Variants in FRMD4A observed in about 807,000 individuals in gnomAD.
FRMD4A encodes the protein FERM domain containing 4A.
FRMD4A carries 29 observed loss-of-function variants against 129.1 expected under a neutral mutation model. The ratio of observed to expected loss-of-function variants is 0.22; its 90% CI spans 0.17 to 0.31. The LOEUF is 0.31. FRMD4A is among the 10% of genes least tolerant of loss of function. FRMD4A has a pLI of 1.00. For synonymous variants in FRMD4A, 634 were observed against 571.6 expected (o/e 1.11, Z -1.56); for missense variants, 1,272 against 1,375.8 (o/e 0.92, Z 1.19).
intron 2 of FRMD4A, among the ~76,000 whole-genome samples, chr10:13,949,829 C>T (rs2095359665): frequency 6.6e-6 from 1 of 152,200 alleles, no homozygotes; most frequent in Admixed American, 6.5e-5. Flanking sequence ...TCTGACAAGG[C>T]TCAAGCTGCA....
intron 6 of FRMD4A, among the ~76,000 whole-genome samples, chr10:13,775,527 C>G (rs2092575399): frequency 6.6e-6 from 1 of 152,166 alleles, no homozygotes; most frequent in South Asian, 2.1e-4. Flanking sequence ...ATTTTACTTC[C>G]CATATGCGCT....
intron 17 of FRMD4A, among the ~76,000 whole-genome samples, chr10:13,669,043 C>G (rs2083289766): frequency 6.8e-6 from 1 of 147,428 alleles, no homozygotes; most frequent in African/African-American, 2.5e-5. Flanking sequence ...CAGGAACTGC[C>G]TAACTGAGCT....
intron 2 of FRMD4A, among the ~76,000 whole-genome samples, chr10:14,033,120 A>G (rs554759123): frequency 1.2e-4 from 19 of 152,296 alleles, no homozygotes; most frequent in African/African-American, 4.3e-4. Flanking sequence ...CAGCCTGGCC[A>G]ACATGGTGAA....
intron 2 of FRMD4A, among the ~76,000 whole-genome samples, chr10:14,185,582 G>T (rs140891812): frequency 1.2e-4 from 18 of 151,720 alleles, no homozygotes; most frequent in African/African-American, 4.4e-4. Context: ...ATCTCGTCTT[G>T]TAAGAAAGAG....
intron 2 of FRMD4A, among the ~76,000 whole-genome samples, chr10:14,240,002 G>A (rs1423265388): frequency 1.3e-5 from 2 of 152,168 alleles, no homozygotes; most frequent in Admixed American, 1.3e-4. Context: ...GATACTTGGT[G>A]AACTGTAAAT....
Position 13,657,007 on chromosome 10 carries a change from T to C in FRMD4A, c.2582A>G (p.Tyr861Cys). Residue 861 changes from tyrosine to cysteine, a missense_variant, in exon 22 of 25, where the codon TAC becomes TGC. Physicochemically the swap from Tyr to Cys is radical, Grantham distance 194 (BLOSUM62 -2). Around this residue, in one of 2 missense-constraint regions of FRMD4A, gnomAD observed 972 missense variants for 892.3 expected, o/e 1.09. Coordinates refer to ENST00000357447, the MANE Select transcript of FRMD4A (RefSeq NM_018027.5). The stretch of plus-strand genomic sequence containing the variant: ...CGTCTTGAACTGAGCCTTGACGCTG[T>C]AGTGGCCCTCCTGGTCGCTCTCCAG... Reference protein sequence around the residue: ...RSLESDQEGHYSVKAQFKTSN... With the variant: ...RSLESDQEGHCSVKAQFKTSN... 6.4e-7 allele frequency: 1 copy of C among 1,568,776 alleles called. No individual in the cohort carries two copies. Among genetic ancestry groups the C allele is most frequent in the Non-Finnish European group, 8.6e-7 (1 of 1,164,448 alleles).
At chr10:13,818,771 G>A (rs1250093167) in intron 3 of FRMD4A, among the ~76,000 whole-genome samples, 1 of 152,146 alleles carries the variant, frequency 6.6e-6, no homozygotes, top group African/African-American at 2.4e-5. Context: ...CTTAGAATAT[G>A]CCTGGCATGG....
At chr10:14,135,383 C>T (rs1234321918) in intron 2 of FRMD4A, among the ~76,000 whole-genome samples, 4 of 152,200 alleles carry the variant, frequency 2.6e-5, no homozygotes, top group East Asian at 1.9e-4. Context: ...AAGGCAAACA[C>T]CATCCTGTAA....
intron 2 of FRMD4A, among the ~76,000 whole-genome samples, chr10:14,174,766 C>T (rs1355736767): frequency 1.3e-5 from 2 of 151,886 alleles, no homozygotes; most frequent in Non-Finnish European, 2.9e-5. Context: ...TGCAGTTTGG[C>T]CAGATGTTTA....
chr10:13,925,658 A>G (rs896544381), intron 2 of FRMD4A, among the ~76,000 whole-genome samples: 21 of 132,594 alleles, frequency 1.6e-4, no homozygotes, highest in Admixed American at 4.5e-4. Context: ...ATCTCGGCTC[A>G]CTGCAACTTC....
chr10:13,994,253 C>T, intron 2 of FRMD4A, among the ~76,000 whole-genome samples: 1 of 144,978 alleles, frequency 6.9e-6, no homozygotes, highest in Non-Finnish European at 1.5e-5. Flanking sequence ...GATATTGGCT[C>T]ACTGCAATCT....
At chr10:13,897,321 A>G (rs1019095589) in intron 2 of FRMD4A, among the ~76,000 whole-genome samples, 3 of 152,228 alleles carry the variant, frequency 2.0e-5, no homozygotes, top group Non-Finnish European at 2.9e-5. Context: ...TCAGTGGGTC[A>G]GCAGGATTTG....
intron 2 of FRMD4A, among the ~76,000 whole-genome samples, chr10:14,118,646 G>C (rs1838326253): frequency 6.6e-6 from 1 of 152,212 alleles, no homozygotes; most frequent in African/African-American, 2.4e-5. Flanking sequence ...GGTGGAAGAT[G>C]AAGGAAGAGC....
intron 2 of FRMD4A, among the ~76,000 whole-genome samples, chr10:13,922,988 G>T (rs1446151182): frequency 6.6e-6 from 1 of 152,156 alleles, no homozygotes; most frequent in Non-Finnish European, 1.5e-5. Flanking sequence ...CTTGTAAGAA[G>T]TGAGAAAATG....
chr10:14,284,487 A>C (rs1348273004), intron 2 of FRMD4A, among the ~76,000 whole-genome samples: 1 of 152,144 alleles, frequency 6.6e-6, no homozygotes, highest in Non-Finnish European at 1.5e-5. Flanking sequence ...TATCTACTAA[A>C]AATACATTTT....
intron 2 of FRMD4A, among the ~76,000 whole-genome samples, chr10:14,218,884 G>C (rs1029392161): frequency 4.4e-5 from 6 of 136,480 alleles, no homozygotes; most frequent in Non-Finnish European, 7.7e-5. Context: ...GAACCCAGGA[G>C]CCAGAGGTTG....
At chr10:13,990,799 G>A (rs1435928737) in intron 2 of FRMD4A, among the ~76,000 whole-genome samples, 5 of 152,146 alleles carry the variant, frequency 3.3e-5, no homozygotes, top group Admixed American at 6.5e-5. Flanking sequence ...CTCCCTCTGC[G>A]AGTCAACCTG....
At chr10:13,897,931 C>T (rs1411997205) in intron 2 of FRMD4A, among the ~76,000 whole-genome samples, 12 of 90,608 alleles carry the variant, frequency 1.3e-4, no homozygotes, top group Non-Finnish European at 2.3e-4. Context: ...ACAGAGACTC[C>T]GACTCAAAAA....
At chr10:13,684,725 C>A in intron 15 of FRMD4A, 1 of 985,126 alleles carries the variant, frequency 1.0e-6, no homozygotes, top group Non-Finnish European at 1.2e-6. Flanking sequence ...TGATGACCAG[C>A]CACTGATTTC....
Sources: gnomAD v4.1 joint callset for allele counts (sites outside exome capture counted in the v4.1 genomes callset) on GRCh38, gnomAD v4.1.1 for gene constraint, gnomAD v4.1.1 regional missense constraint, MANE v1.5 for transcripts, NCBI Gene and HGNC (gene_info 2026-07-23, HGNC 2026-07-21) for gene names.